BAIAP2L2: variants seen among roughly 807,000 people sequenced by gnomAD.
The protein encoded by BAIAP2L2 is BAR/IMD domain-containing adapter protein 2-like 2.
Under a neutral mutation model 60.4 loss-of-function variants are expected in BAIAP2L2, and 65 were observed. The observed-to-expected ratio is 1.08, with a 90% confidence interval of 0.88 to 1.32. The LOEUF (loss-of-function observed/expected upper bound fraction) is 1.32. BAIAP2L2 is among the 40% of genes most tolerant of loss of function. The pLI, the probability that BAIAP2L2 is intolerant of heterozygous loss-of-function variation, is 0.00. For missense variants in BAIAP2L2, 836 were observed against 741.2 expected, an observed-to-expected ratio of 1.13 and a Z score of -1.48; for synonymous variants, 344 against 301.7, an observed-to-expected ratio of 1.14 and a Z score of -1.45.
chr22:38,107,865 T>C lies in BAIAP2L2; in HGVS notation c.263A>G (p.Asp88Gly), dbSNP rs758056544. The stretch of plus-strand genomic sequence containing the variant: ...CCTGATACTCACCACCACCTCCAGG[T>C]CAGAGTTCAAGTGCCGCTGGGTGTC... ...MSDTQRHLNS[D>G]LEVVVQTFHG... is the part of the protein sequence containing the mutation. The change falls in exon 4 of 14, where the codon GAC becomes GGC. Residue 88 changes from aspartate to glycine, a missense_variant. Coordinates refer to ENST00000381669, the MANE Select transcript of BAIAP2L2 (RefSeq NM_025045.6). The C allele has an allele frequency of 3.1e-6, 5 of 1,613,366 alleles. 1 individual carries two copies. The East Asian group carries it at 1.1e-4, about 36-fold the overall frequency.
intron 4 of BAIAP2L2, among the ~76,000 whole-genome samples, chr22:38,099,017 G>A (rs1298049043): frequency 6.6e-6 from 1 of 152,238 alleles, no homozygotes; most frequent in Admixed American, 6.5e-5. Context: ...GCAGGGCACA[G>A]CCCAGCAAAA....
Position 38,087,397 on chromosome 22 carries a change from A to T in BAIAP2L2, c.1119-133T>A. ...ATTGACAGACTACAATCAATTCCGT[A>T]TGTTTACTTCTGTTTTCACCTGCAA... On this transcript the variant is annotated intron_variant, in intron 10 of 13. Coordinates refer to ENST00000381669, the MANE Select transcript of BAIAP2L2 (RefSeq NM_025045.6). 3.7e-6 allele frequency: 4 copies of T among 1,070,292 alleles called. No homozygotes were observed. In the South Asian group the frequency reaches 5.9e-5, roughly 16 times the overall value. The allele number at this position is 1,070,292 out of a possible 1,614,324, so 66.3% of individuals were successfully genotyped here.
intron 10 of BAIAP2L2, among the ~76,000 whole-genome samples, chr22:38,088,308 T>G (rs2086161902): frequency 6.6e-6 from 1 of 152,210 alleles, no homozygotes; most frequent in African/African-American, 2.4e-5. Context: ...CAGCCCAGTT[T>G]AAGTGCTTTC....
At chr22:38,107,469 G>A (rs1299390952) in intron 4 of BAIAP2L2, among the ~76,000 whole-genome samples, 1 of 152,128 alleles carries the variant, frequency 6.6e-6, no homozygotes, top group Non-Finnish European at 1.5e-5. Context: ...GGGCAGTGGG[G>A]CCGTGGAACG....
At chr22:38,085,516 C>CT (rs945126212) in intron 13 of BAIAP2L2, 141 bp from the exon 14 acceptor site, 996 of 1,244,038 alleles carry the variant, frequency 8.0e-4, no homozygotes, top group Non-Finnish European at 9.6e-4. Context: ...CCCGCTTCAT[C>CT]TTTTTTTTTC....
chr22:38,085,101 T>C lies in BAIAP2L2; in HGVS notation c.*199A>G. The C allele has an allele frequency of 1.8e-6, 1 of 561,044 alleles. No individual in the cohort carries two copies. The highest frequency in any genetic ancestry group is 3.2e-6 in the Non-Finnish European group (1 of 314,908). The allele number at this position is 561,044 out of a possible 1,614,324, so 34.8% of individuals were successfully genotyped here. ...AATTGTCCTGTCCCCCCATTCCGCC[T>C]GCTTTACTTTGAAGGTCTCGGACCC... On this transcript the variant is annotated 3_prime_UTR_variant, in exon 14 of 14. Transcript: ENST00000381669.
At position 38,089,648 on chromosome 22, in the gene BAIAP2L2, C is replaced by G; in HGVS notation, c.639G>C (p.Val213=). ...CCTCAGACTGCTCCTTCCACAGCAG[C>G]ACGCGGTTCTGGAGCATCCCCCGGG... ...GRARGMLQNR[V]LLWKEQSEAS... The change falls in exon 8 of 14, where the codon GTG becomes GTC. Residue 213 remains valine, a synonymous_variant. Coordinates refer to ENST00000381669, the MANE Select transcript of BAIAP2L2 (RefSeq NM_025045.6). The G allele has an allele frequency of 1.6e-6, 2 of 1,231,670 alleles. No individual in the cohort carries two copies. Among genetic ancestry groups the G allele is most frequent in the Non-Finnish European group, 2.0e-6 (2 of 987,790 alleles). The allele number at this position is 1,231,670 out of a possible 1,614,324, so 76.3% of individuals were successfully genotyped here.
Position 38,110,394 on chromosome 22 carries a change from C to T in BAIAP2L2, c.51+81G>A, listed in dbSNP as rs1056027259. On this transcript the variant is annotated intron_variant, in intron 1 of 13. Coordinates refer to ENST00000381669, the MANE Select transcript of BAIAP2L2 (RefSeq NM_025045.6). Reference sequence around the variant, plus strand: ...CCAGGACATCTGTAGCCCCGGCTGGCCCTCCGTCCTCCAGAGCGGGCCTGA... The same window carrying T: ...CCAGGACATCTGTAGCCCCGGCTGGTCCTCCGTCCTCCAGAGCGGGCCTGA... 84 of 1,415,178 alleles carry T rather than the reference C, an allele frequency of 5.9e-5. No homozygotes were observed. The East Asian group carries it at 1.9e-3, about 33-fold the overall frequency. 87.7% of individuals were successfully genotyped at this position (1,415,178 alleles called of 1,614,324 possible).
intron 4 of BAIAP2L2, among the ~76,000 whole-genome samples, chr22:38,100,118 A>G (rs2086534835): frequency 1.3e-5 from 2 of 152,170 alleles, no homozygotes; most frequent in Non-Finnish European, 2.9e-5. Flanking sequence ...CCAGAGTGAT[A>G]CAACGGTGAA....
chr22:38,104,645 A>G (rs527906520), intron 4 of BAIAP2L2, among the ~76,000 whole-genome samples: 38 of 151,840 alleles, frequency 2.5e-4, no homozygotes, highest in Middle Eastern at 3.4e-3. Context: ...ACAGGCGCCC[A>G]CCACCATGCC....
chr22:38,093,278 G>A (rs1048334511), intron 7 of BAIAP2L2, among the ~76,000 whole-genome samples: 1 of 152,192 alleles, frequency 6.6e-6, no homozygotes, highest in Non-Finnish European at 1.5e-5. Context: ...TAGAGGCTTC[G>A]CCAGGAGCAG....
rs1193275477 is a variant in BAIAP2L2 at position 38,109,335 on chromosome 22, TG to T, written c.52-128del. On this transcript the variant is annotated intron_variant, in intron 1 of 13. Transcript: ENST00000381669. ...CAGCCCAGTGAGAAGCCCCAGACTT[TG>T]GGGGGCCCATCTACAAACCTAGGCT... 1.1e-5 allele frequency: 8 copies of T among 739,408 alleles called. No individual in the cohort carries two copies. In the East Asian group the frequency reaches 1.9e-4, roughly 17 times the overall value. The allele number at this position is 739,408 out of a possible 1,614,324, so 45.8% of individuals were successfully genotyped here.
intron 4 of BAIAP2L2, among the ~76,000 whole-genome samples, chr22:38,102,485 TA>T (rs1363047307): frequency 1.3e-5 from 2 of 152,176 alleles, no homozygotes; most frequent in Admixed American, 1.3e-4. Flanking sequence ...GGAAAAAACC[TA>T]CTTTTCCACA....
intron 2 of BAIAP2L2, 50 bp downstream of exon 2, chr22:38,109,083 G>GGGGGCA: frequency 8.3e-7 from 1 of 1,209,604 alleles, no homozygotes; most frequent in East Asian, 4.8e-5. Flanking sequence ...GGGTGGGTGG[G>GGGGGCA]AACAGCAGAG....
chr22:38,098,045 G>T lies in BAIAP2L2; in HGVS notation c.465+18C>A. 9.3e-6 allele frequency: 5 copies of T among 535,510 alleles called. No homozygotes were observed. Among genetic ancestry groups the T allele is most frequent in the Non-Finnish European group, 1.0e-5 (3 of 300,824 alleles). The allele number at this position is 535,510 out of a possible 1,614,324, so 33.2% of individuals were successfully genotyped here. A position where few individuals can be genotyped will look rare whatever the true frequency, so the allele number is the denominator to read the frequency against. On this transcript the variant is annotated intron_variant, in intron 6 of 13. Coordinates refer to ENST00000381669, the MANE Select transcript of BAIAP2L2 (RefSeq NM_025045.6). ...CACCCGCCCTTCCTGGCCCACCCCC[G>T]CTTCCCGGCCCTCGCACCTTCATCT... is the stretch of plus-strand genomic sequence containing the variant.
Position 38,088,857 on chromosome 22 carries a change from C to G in BAIAP2L2, c.1009G>C (p.Glu337Gln), listed in dbSNP as rs1366092947. Reference protein sequence around the residue: ...RRVRALVSHSEGANHTLLRFS... With the variant: ...RRVRALVSHSQGANHTLLRFS... ...CGCAGCAGCGTGTGGTTGGCGCCCT[C>G]CGAGTGGGAGACCAGGGCGCGGACT... The change falls in exon 10 of 14, where the codon GAG (glutamate) becomes CAG (glutamine). Residue 337 changes from glutamate to glutamine, a missense_variant. Transcript: ENST00000381669. 3.8e-6 allele frequency: 6 copies of G among 1,596,478 alleles called. No individual in the cohort carries two copies. Among genetic ancestry groups the G allele is most frequent in the African/African-American group, 1.3e-5 (1 of 74,862 alleles).
At chr22:38,096,966 G>A in intron 7 of BAIAP2L2, 66 bp downstream of exon 7, 2 of 1,539,990 alleles carry the variant, frequency 1.3e-6, no homozygotes, top group East Asian at 2.4e-5. Context: ...AAACCTCTAT[G>A]TACGGCCACT....
chr22:38,098,009 C>A (rs2086479527), intron 6 of BAIAP2L2, 54 bp downstream of exon 6: 2 of 565,298 alleles, frequency 3.5e-6, no homozygotes, highest in Admixed American at 1.3e-4. Context: ...GGTCTCGCCC[C>A]GAGGTCTGCC....
At chr22:38,107,801 T>C (rs778615545) in intron 4 of BAIAP2L2, 51 bp downstream of exon 4, 4 of 1,553,480 alleles carry the variant, frequency 2.6e-6, no homozygotes, top group East Asian at 2.2e-5. Context: ...CCTTGGAACA[T>C]AGCCCACTTT....
Sources: allele counts gnomAD v4.1 joint callset (sites outside exome capture counted in the v4.1 genomes callset), GRCh38; gene constraint gnomAD v4.1.1; transcripts MANE v1.5; gene names NCBI Gene and HGNC (gene_info 2026-07-23, HGNC 2026-07-21).